Variants in ALK observed in about 807,000 individuals in gnomAD.
The protein encoded by ALK is ALK receptor tyrosine kinase.
ALK carries 74 observed loss-of-function variants against 163.1 expected under a neutral mutation model. That is an observed-to-expected ratio of 0.45 (90% CI 0.38 to 0.55). The LOEUF (loss-of-function observed/expected upper bound fraction) is 0.55. Among genes scored for constraint, ALK ranks in the 20% least tolerant of loss-of-function variants. The probability of loss-of-function intolerance (pLI) is 0.00; values close to 1 mark genes in which losing one functional copy is unlikely to be tolerated. For synonymous variants in ALK, 960 were observed against 843.2 expected (o/e 1.14, Z -2.40); for missense variants, 2,063 against 2,105.3 (o/e 0.98, Z 0.39).
At chr2:29,863,660 C>T (rs1444240032) in intron 1 of ALK, among the ~76,000 whole-genome samples, 1 of 151,858 alleles carries the variant, frequency 6.6e-6, no homozygotes, top group East Asian at 1.9e-4. Context: ...GAAAGGAAAC[C>T]CTTACACTGT....
intron 8 of ALK, 134 bp downstream of exon 8, chr2:29,318,170 C>T: frequency 1.4e-6 from 1 of 730,756 alleles, no homozygotes; most frequent in Admixed American, 2.0e-5. Flanking sequence ...TCGAAGATGG[C>T]AGAGGTGGCC....
intron 5 of ALK, among the ~76,000 whole-genome samples, chr2:29,365,178 G>T (rs939147431): frequency 1.3e-5 from 2 of 152,218 alleles, no homozygotes; most frequent in African/African-American, 4.8e-5. Context: ...TGAAGCAAGA[G>T]TTGCTAGACT....
chr2:29,632,982 C>T (rs899035818), intron 3 of ALK, among the ~76,000 whole-genome samples: 8 of 152,166 alleles, frequency 5.3e-5, no homozygotes, highest in African/African-American at 1.9e-4. Context: ...TATGGGAGTA[C>T]AATTCAAGAT....
At chr2:29,366,386 T>A (rs2148290081) in intron 5 of ALK, among the ~76,000 whole-genome samples, 1 of 152,068 alleles carries the variant, frequency 6.6e-6, no homozygotes, top group Non-Finnish European at 1.5e-5. Context: ...TGGACCGCTT[T>A]GGTAGTCAGG....
At chr2:29,563,399 C>T (rs1231915677) in intron 3 of ALK, among the ~76,000 whole-genome samples, 1 of 152,154 alleles carries the variant, frequency 6.6e-6, no homozygotes, top group Non-Finnish European at 1.5e-5. Context: ...GAATATCTTC[C>T]TGCCTGATTT....
intron 4 of ALK, among the ~76,000 whole-genome samples, chr2:29,458,201 TG>T (rs1255953326): frequency 5.9e-5 from 9 of 152,168 alleles, no homozygotes; most frequent in Admixed American, 5.9e-4. Flanking sequence ...CGTATATGCT[TG>T]GGTATACATT....
chr2:29,348,838 C>T (rs975051831), intron 5 of ALK, among the ~76,000 whole-genome samples: 1 of 152,196 alleles, frequency 6.6e-6, no homozygotes, highest in Admixed American at 6.5e-5. Context: ...ATTATGTTAT[C>T]AGTGTTCACT....
At chr2:29,407,491 C>G (rs934323744) in intron 4 of ALK, among the ~76,000 whole-genome samples, 1 of 152,252 alleles carries the variant, frequency 6.6e-6, no homozygotes, top group African/African-American at 2.4e-5. Context: ...CAAGATCACA[C>G]AGCTCGTAAT....
chr2:29,510,172 C>A (rs1256012996), intron 4 of ALK, among the ~76,000 whole-genome samples: 1 of 152,164 alleles, frequency 6.6e-6, no homozygotes, highest in Non-Finnish European at 1.5e-5. Context: ...AAGCTGACTC[C>A]ATTTCTTTCA....
At chr2:29,909,871 T>C (rs115102305) in intron 1 of ALK, among the ~76,000 whole-genome samples, 271 of 149,126 alleles carry the variant, frequency 1.8e-3, no homozygotes, top group African/African-American at 6.3e-3. Context: ...CTTGAAAGTA[T>C]AAAATTGATG....
intron 2 of ALK, among the ~76,000 whole-genome samples, chr2:29,713,043 C>G (rs569435439): frequency 2.4e-4 from 36 of 152,294 alleles, no homozygotes; most frequent in African/African-American, 8.7e-4. Context: ...GGGCCATGCT[C>G]TCTCTGAAGC....
chr2:29,332,147 G>A (rs978517578), intron 5 of ALK, among the ~76,000 whole-genome samples: 2 of 151,668 alleles, frequency 1.3e-5, no homozygotes, highest in Non-Finnish European at 2.9e-5. Context: ...TTAGCCGGGT[G>A]TGATGGCACG....
chr2:29,804,450 C>T (rs535421194), intron 1 of ALK, among the ~76,000 whole-genome samples: 15 of 152,212 alleles, frequency 9.9e-5, no homozygotes, highest in Non-Finnish European at 1.8e-4. Flanking sequence ...CAAACCCTCA[C>T]CTCATATGCA....
At chr2:29,701,673 A>T (rs891783569) in intron 2 of ALK, among the ~76,000 whole-genome samples, 1 of 152,130 alleles carries the variant, frequency 6.6e-6, no homozygotes, top group Non-Finnish European at 1.5e-5. Flanking sequence ...ACTTCTGTGA[A>T]GGCGTGTGGG....
chr2:29,647,079 A>G (rs1213007480), intron 3 of ALK, among the ~76,000 whole-genome samples: 2 of 152,188 alleles, frequency 1.3e-5, no homozygotes, highest in Non-Finnish European at 2.9e-5. Context: ...TCCTTGTAAT[A>G]TAATATATGG....
At chr2:29,637,472 C>T (rs564740337) in intron 3 of ALK, among the ~76,000 whole-genome samples, 25 of 152,008 alleles carry the variant, frequency 1.6e-4, no homozygotes, top group African/African-American at 6.0e-4. Context: ...TATAAAAAAG[C>T]AACAGGCGGG....
intron 3 of ALK, among the ~76,000 whole-genome samples, chr2:29,543,823 G>T (rs562378359): frequency 6.6e-6 from 1 of 152,228 alleles, no homozygotes; most frequent in African/African-American, 2.4e-5. Context: ...CTCCTGCTCT[G>T]TTTGCTATTC....
chr2:29,467,075 C>A (rs1255670792), intron 4 of ALK, among the ~76,000 whole-genome samples: 1 of 152,020 alleles, frequency 6.6e-6, no homozygotes, highest in African/African-American at 2.4e-5. Flanking sequence ...ACCCATTCAC[C>A]TCACATACAA....
intron 4 of ALK, among the ~76,000 whole-genome samples, chr2:29,393,480 G>A (rs1669229571): frequency 6.6e-6 from 1 of 152,144 alleles, no homozygotes. Flanking sequence ...AGAAATGTTA[G>A]ACAGGGAGGC....
Sources: gnomAD v4.1 joint callset for allele counts (sites outside exome capture counted in the v4.1 genomes callset) on GRCh38, gnomAD v4.1.1 for gene constraint, MANE v1.5 for transcripts, NCBI Gene and HGNC (gene_info 2026-07-23, HGNC 2026-07-21) for gene names.